The following NDUFS1 variants were observed in gnomAD, a reference collection of about 807,000 sequenced individuals.
The protein encoded by NDUFS1 is NADH-ubiquinone oxidoreductase 75 kDa subunit, mitochondrial.
NDUFS1 carries 61 observed loss-of-function variants against 84.4 expected under a neutral mutation model. The ratio of observed to expected loss-of-function variants is 0.72; its 90% CI spans 0.59 to 0.89. The LOEUF is 0.89. Ranked by LOEUF, NDUFS1 falls within the 40% of genes least tolerant of loss-of-function variation. NDUFS1 has a pLI of 0.00. For missense variants in NDUFS1, 891 were observed against 890.0 expected, an observed-to-expected ratio of 1.00 and a Z score of -0.01; for synonymous variants, 275 against 290.0, an observed-to-expected ratio of 0.95 and a Z score of 0.53.
chr2:206,147,136 T>C, intron 7 of NDUFS1, 48 bp from the exon 8 acceptor site: 4 of 1,560,924 alleles, frequency 2.6e-6, no homozygotes, highest in Middle Eastern at 1.8e-4. Context: ...AGCAAAATTA[T>C]TTCCTTTCTT....
intron 13 of NDUFS1, among the ~76,000 whole-genome samples, chr2:206,137,864 CT>C (rs1197495633): frequency 1.8e-4 from 27 of 152,272 alleles, no homozygotes; most frequent in African/African-American, 6.3e-4. Flanking sequence ...AAGTGCAATT[CT>C]TTCAGGTTTA....
intron 9 of NDUFS1, among the ~76,000 whole-genome samples, chr2:206,144,559 G>C (rs1692086714): frequency 6.6e-6 from 1 of 152,020 alleles, no homozygotes; most frequent in Non-Finnish European, 1.5e-5. Context: ...ATCCCACCTC[G>C]GCCTTCCAAA....
intron 17 of NDUFS1, 43 bp downstream of exon 17, chr2:206,126,667 G>C: frequency 6.2e-7 from 1 of 1,614,088 alleles, no homozygotes; most frequent in Non-Finnish European, 8.5e-7. Context: ...TGTTACACCA[G>C]TAGATACAAC....
intron 18 of NDUFS1, among the ~76,000 whole-genome samples, chr2:206,125,470 T>TACAC (rs373368439): frequency 3.2e-4 from 48 of 148,596 alleles, no homozygotes; most frequent in African/African-American, 5.2e-4. Flanking sequence ...TCAAAAATTA[T>TACAC]ACACACACAC....
chr2:206,142,949 T>G, intron 10 of NDUFS1, 118 bp from the exon 11 acceptor site: 1 of 1,407,032 alleles, frequency 7.1e-7, no homozygotes, highest in Non-Finnish European at 9.8e-7. Context: ...AACAGACTTC[T>G]GATTAAAAGT....
At chr2:206,130,607 G>C (rs1691476489) in intron 14 of NDUFS1, among the ~76,000 whole-genome samples, 1 of 152,046 alleles carries the variant, frequency 6.6e-6, no homozygotes, top group African/African-American at 2.4e-5. Context: ...CACCTGTCTT[G>C]GCCTCCCAAA....
At chr2:206,146,791 A>C (rs1692168249) in intron 8 of NDUFS1, 112 bp downstream of exon 8, 3 of 1,026,746 alleles carry the variant, frequency 2.9e-6, no homozygotes, top group Admixed American at 2.2e-5. Context: ...ATAAACAAAC[A>C]AAGTCAACAG....
chr2:206,129,216 T>C (rs115494104), intron 15 of NDUFS1, among the ~76,000 whole-genome samples: 2 of 152,188 alleles, frequency 1.3e-5, no homozygotes, highest in African/African-American at 4.8e-5. Context: ...AACTCAACAA[T>C]GATTATTTCT....
At chr2:206,156,120 G>T (rs902512313) in intron 1 of NDUFS1, among the ~76,000 whole-genome samples, 6 of 151,634 alleles carry the variant, frequency 4.0e-5, no homozygotes, top group African/African-American at 1.5e-4. Context: ...AAAAATAGCC[G>T]GGCGTGGTGG....
rs1692211125 is a variant in NDUFS1 at position 206,147,670 on chromosome 2, G to T, written c.421-9C>A. 1 of 1,613,916 alleles carries T rather than the reference G, an allele frequency of 6.2e-7. No homozygotes were observed. Among genetic ancestry groups the T allele is most frequent in the Non-Finnish European group, 8.5e-7 (1 of 1,180,006 alleles). ...AACATCATGGACTGGTCCTTAAGTA[G>T]ATTATGAAAGAGTCAATCTCATGCT... On this transcript the variant is annotated splice_polypyrimidine_tract_variant and intron_variant, in intron 6 of 18. Transcript: ENST00000233190.
At chr2:206,142,966 ACATGCC>A (rs1239154820) in intron 10 of NDUFS1, 135 bp from the exon 11 acceptor site, 1 of 1,267,116 alleles carries the variant, frequency 7.9e-7, no homozygotes, top group Non-Finnish European at 1.1e-6. Flanking sequence ...AAGTTTTACA[ACATGCC>A]CAGGCACACT....
Position 206,124,069 on chromosome 2 carries a change from T to C in NDUFS1, c.*116A>G. ...AATAGGCATAGTATAACCTTAAATA[T>C]TACATGATTCAAATTATTATTATTT... is the stretch of plus-strand genomic sequence containing the variant. On this transcript the variant is annotated 3_prime_UTR_variant, in exon 19 of 19. Coordinates refer to ENST00000233190, the MANE Select transcript of NDUFS1 (RefSeq NM_005006.7). 1 of 751,038 alleles carries C rather than the reference T, an allele frequency of 1.3e-6. No homozygotes were observed. The highest frequency in any genetic ancestry group is 1.6e-5 in the South Asian group (1 of 61,158). 46.5% of individuals were successfully genotyped at this position (751,038 alleles called of 1,614,324 possible).
intron 10 of NDUFS1, among the ~76,000 whole-genome samples, 166 bp from the exon 11 acceptor site, chr2:206,142,997 A>G (rs991535642): frequency 6.6e-6 from 1 of 152,250 alleles, no homozygotes; most frequent in Non-Finnish European, 1.5e-5. Context: ...CATGCCTGTA[A>G]TCCCAGTACT....
chr2:206,136,279 CCT>C (rs1691708965), intron 13 of NDUFS1, among the ~76,000 whole-genome samples: 1 of 151,118 alleles, frequency 6.6e-6, no homozygotes, highest in Admixed American at 6.6e-5. Context: ...GTCTCAAACT[CCT>C]GACCTTGTGA....
At chr2:206,137,833 G>A (rs1279517974) in intron 13 of NDUFS1, among the ~76,000 whole-genome samples, 1 of 152,154 alleles carries the variant, frequency 6.6e-6, no homozygotes, top group Non-Finnish European at 1.5e-5. Flanking sequence ...TTGTAATAAA[G>A]AAAGATTTAA....
At chr2:206,127,577 A>G in intron 16 of NDUFS1, 1 of 481,100 alleles carries the variant, frequency 2.1e-6, no homozygotes, top group South Asian at 3.3e-5. Context: ...TTTAAGAGAC[A>G]GGGTCTTGCT....
intron 14 of NDUFS1, among the ~76,000 whole-genome samples, chr2:206,131,757 G>C (rs945127071): frequency 1.3e-5 from 2 of 152,084 alleles, no homozygotes; most frequent in African/African-American, 4.8e-5. Flanking sequence ...GGCTAACACG[G>C]TGAAACCCAG....
chr2:206,149,068 A>G lies in NDUFS1; in HGVS notation c.290T>C (p.Met97Thr). The G allele has an allele frequency of 6.2e-7, 1 of 1,613,398 alleles. No homozygotes were observed. Among genetic ancestry groups the G allele is most frequent in the Non-Finnish European group, 8.5e-7 (1 of 1,179,654 alleles). ...KVVAACAMPV[M>T]KGWNILTNSE... Reference sequence around the variant, plus strand: ...GTTTGTTAGGATATTCCAACCCTTCATTACTGGCATGGCACAAGCAGCTAC... The same window carrying G: ...GTTTGTTAGGATATTCCAACCCTTCGTTACTGGCATGGCACAAGCAGCTAC... Residue 97 changes from methionine (M) to threonine (T), a missense_variant, in exon 5 of 19, where the codon ATG (methionine) becomes ACG (threonine). Coordinates refer to ENST00000233190, the MANE Select transcript of NDUFS1 (RefSeq NM_005006.7).
chr2:206,149,233 T>A (rs563261423), intron 4 of NDUFS1, 137 bp from the exon 5 acceptor site: 1 of 697,772 alleles, frequency 1.4e-6, no homozygotes. Flanking sequence ...GGGTATTTTT[T>A]AAAACTGAAT....
Sources: allele counts gnomAD v4.1 joint callset (sites outside exome capture counted in the v4.1 genomes callset), GRCh38; gene constraint gnomAD v4.1.1; transcripts MANE v1.5; gene names NCBI Gene and HGNC (gene_info 2026-07-23, HGNC 2026-07-21).